Variants in CKMT2 observed in about 807,000 individuals in gnomAD.
CKMT2 encodes creatine kinase S-type, mitochondrial.
In CKMT2, 43 loss-of-function variants were observed where a neutral mutation model predicts 48.9. The observed-to-expected ratio is 0.88, with a 90% CI of 0.69 to 1.13. The LOEUF is 1.13. Ranked by LOEUF, CKMT2 falls within the 50% of genes most tolerant of loss-of-function variation. The probability of loss-of-function intolerance (pLI) is 0.00; values close to 1 mark genes in which losing one functional copy is unlikely to be tolerated. For synonymous variants in CKMT2, 206 were observed against 213.0 expected (o/e 0.97, Z 0.29); for missense variants, 472 against 555.4 (o/e 0.85, Z 1.51).
chr5:81,254,425 C>T lies in CKMT2; in HGVS notation c.381C>T (p.Ile127=). 6.2e-7 allele frequency: 1 copy of T among 1,614,144 alleles called. No individual in the cohort carries two copies. Among genetic ancestry groups the T allele is most frequent in the Non-Finnish European group, 8.5e-7 (1 of 1,179,990 alleles). Reference sequence around the variant, plus strand: ...TTGCTGACCTTTTTGACCCCGTCATCAAACTAAGACACAACGGCTATGACC... The same window carrying T: ...TTGCTGACCTTTTTGACCCCGTCATTAAACTAAGACACAACGGCTATGACC... The part of the protein sequence containing the change: ...EVFADLFDPV[I]KLRHNGYDPR... Residue 127 remains isoleucine, a synonymous_variant, in exon 4 of 10, where the codon ATC becomes ATT. Transcript: ENST00000254035.
chr5:81,238,365 C>T (rs1756320516), intron 1 of CKMT2: 1 of 151,930 alleles, frequency 6.6e-6, no homozygotes, highest in Non-Finnish European at 1.5e-5. Flanking sequence ...AAAAAAAAAC[C>T]AGGCATATAA....
At chr5:81,239,935 G>A (rs1406053319) in intron 1 of CKMT2, among the ~76,000 whole-genome samples, 1 of 152,060 alleles carries the variant, frequency 6.6e-6, no homozygotes, top group Non-Finnish European at 1.5e-5. Context: ...AGCACACAGC[G>A]TTTTTTTCCT....
At chr5:81,254,049 G>T (rs865779853) in intron 3 of CKMT2, among the ~76,000 whole-genome samples, 4 of 152,174 alleles carry the variant, frequency 2.6e-5, no homozygotes, top group African/African-American at 9.7e-5. Context: ...GAGCAAACAC[G>T]TCTAGGAAAC....
chr5:81,246,693 G>A (rs911717077), intron 1 of CKMT2, among the ~76,000 whole-genome samples: 6 of 152,152 alleles, frequency 3.9e-5, no homozygotes, highest in Non-Finnish European at 8.8e-5. Flanking sequence ...AGCCAATCCC[G>A]GGCTGTAAGA....
At chr5:81,258,803 C>A (rs1251203193) in intron 7 of CKMT2, among the ~76,000 whole-genome samples, 2 of 152,178 alleles carry the variant, frequency 1.3e-5, no homozygotes, top group African/African-American at 2.4e-5. Flanking sequence ...GGTGGAACAA[C>A]AGTTTCATCC....
At chr5:81,250,998 C>A in intron 1 of CKMT2, 115 bp from the exon 2 acceptor site, 1 of 661,570 alleles carries the variant, frequency 1.5e-6, no homozygotes, top group Non-Finnish European at 2.6e-6. Flanking sequence ...GAGAGAGAGA[C>A]AGAGACACCG....
At position 81,251,228 on chromosome 5, in the gene CKMT2, G is replaced by A. The variant is rs1231491660; in HGVS notation, c.96G>A (p.Leu32=). The change falls in exon 2 of 10, where the codon CTG becomes CTA. Residue 32 remains leucine, a synonymous_variant. Transcript: ENST00000254035. ...GTSVLTTGYL[L]NRQKVCAEVR... ...GTGTCCTGACCACCGGGTACCTGCT[G>A]AACCGGCAGAAAGTGTGTGCCGAGG... is the stretch of plus-strand genomic sequence containing the variant. The A allele has an allele frequency of 6.2e-7, 1 of 1,614,194 alleles. No homozygotes were observed. The highest frequency in any genetic ancestry group is 1.7e-5 in the Admixed American group (1 of 60,030).
intron 1 of CKMT2, among the ~76,000 whole-genome samples, chr5:81,243,559 T>C (rs547156348): frequency 1.3e-5 from 2 of 152,310 alleles, no homozygotes; most frequent in East Asian, 3.9e-4. Context: ...GTTTTTCAAA[T>C]TGAGATCATG....
intron 8 of CKMT2, among the ~76,000 whole-genome samples, chr5:81,260,417 C>CA (rs1381246028): frequency 2.0e-5 from 3 of 152,170 alleles, no homozygotes; most frequent in East Asian, 1.9e-4. Context: ...AAAAAACCTT[C>CA]AAAAAATCAG....
intron 5 of CKMT2, among the ~76,000 whole-genome samples, chr5:81,256,434 GT>G (rs1757012889): frequency 6.6e-6 from 1 of 152,160 alleles, no homozygotes; most frequent in African/African-American, 2.4e-5. Flanking sequence ...AGCATTAATG[GT>G]AACTATATTT....
At chr5:81,243,606 G>C (rs1327028095) in intron 1 of CKMT2, among the ~76,000 whole-genome samples, 1 of 152,152 alleles carries the variant, frequency 6.6e-6, no homozygotes, top group African/African-American at 2.4e-5. Flanking sequence ...TGTGAGGCTA[G>C]CTACTGTGTC....
intron 1 of CKMT2, among the ~76,000 whole-genome samples, chr5:81,234,733 A>T (rs59563495): frequency 6.6e-6 from 1 of 151,978 alleles, no homozygotes; most frequent in Admixed American, 6.5e-5. Context: ...AGTTTTCCTA[A>T]GGAAACTGTG....
chr5:81,254,862 C>T (rs755757495), intron 4 of CKMT2, 131 bp from the exon 5 acceptor site: 13 of 739,574 alleles, frequency 1.8e-5, no homozygotes, highest in Admixed American at 2.6e-5. Context: ...GTCCAATTTA[C>T]GGATTGTGCA....
intron 2 of CKMT2, 124 bp downstream of exon 2, chr5:81,251,408 A>G (rs1268792877): frequency 3.1e-6 from 3 of 970,264 alleles, no homozygotes; most frequent in Non-Finnish European, 4.6e-6. Flanking sequence ...CAACATGGTG[A>G]AACCCCATCT....
chr5:81,257,176 G>C (rs1580452701), intron 6 of CKMT2, among the ~76,000 whole-genome samples, 176 bp downstream of exon 6: 1 of 132,636 alleles, frequency 7.5e-6, no homozygotes, highest in East Asian at 2.1e-4. Context: ...GTGTGTGTGT[G>C]TGTGTGTCTA....
At chr5:81,234,415 T>C (rs1167307794) in intron 1 of CKMT2, among the ~76,000 whole-genome samples, 1 of 152,128 alleles carries the variant, frequency 6.6e-6, no homozygotes, top group Non-Finnish European at 1.5e-5. Flanking sequence ...TTTTCTCTGT[T>C]CTGAACTCGT....
chr5:81,241,959 TA>T (rs369086839), intron 1 of CKMT2, among the ~76,000 whole-genome samples: 396 of 140,404 alleles, frequency 2.8e-3, no homozygotes, highest in East Asian at 3.3e-3. Context: ...TCAGAACCCC[TA>T]AAAAAAAAAA....
chr5:81,256,755 T>C (rs1029545321), intron 5 of CKMT2, among the ~76,000 whole-genome samples, 160 bp from the exon 6 acceptor site: 2 of 152,214 alleles, frequency 1.3e-5, no homozygotes, highest in African/African-American at 4.8e-5. Flanking sequence ...TGGGCATTGT[T>C]TGAAGCTCCC....
intron 5 of CKMT2, among the ~76,000 whole-genome samples, 191 bp downstream of exon 5, chr5:81,255,405 G>A (rs567694611): frequency 2.0e-5 from 3 of 152,308 alleles, no homozygotes; most frequent in African/African-American, 7.2e-5. Context: ...CATTGTACTT[G>A]TCAAGCCACT....
Sources: gnomAD v4.1 joint callset for allele counts (sites outside exome capture counted in the v4.1 genomes callset) on GRCh38, gnomAD v4.1.1 for gene constraint, MANE v1.5 for transcripts, NCBI Gene and HGNC (gene_info 2026-07-23, HGNC 2026-07-21) for gene names.